The following AUTS2 variants were observed in gnomAD, a reference collection of about 807,000 sequenced individuals.
AUTS2 encodes the protein activator of transcription and developmental regulator AUTS2, also known as autism susceptibility gene 2 protein.
AUTS2 carries 17 observed loss-of-function variants against 112.4 expected under a neutral mutation model. That is an observed-to-expected ratio of 0.15 (90% confidence interval 0.10 to 0.23). The LOEUF (loss-of-function observed/expected upper bound fraction) is 0.23, where lower values mean the gene tolerates loss of function less well. AUTS2 is among the 10% of genes least tolerant of loss of function. The probability of loss-of-function intolerance (pLI) is 1.00; values close to 1 mark genes in which losing one functional copy is unlikely to be tolerated. For synonymous variants in AUTS2, 751 were observed against 702.7 expected, an observed-to-expected ratio of 1.07 and a Z score of -1.09; for missense variants, 1,510 against 1,701.6, an observed-to-expected ratio of 0.89 and a Z score of 1.98.
At chr7:69,971,433 A>C (rs1191343715) in intron 2 of AUTS2, among the ~76,000 whole-genome samples, 1 of 152,236 alleles carries the variant, frequency 6.6e-6, no homozygotes, top group Non-Finnish European at 1.5e-5. Context: ...CAGTTTTAAG[A>C]AATAAAATGT....
intron 4 of AUTS2, among the ~76,000 whole-genome samples, chr7:70,232,858 T>A (rs556429864): frequency 1.3e-5 from 2 of 152,326 alleles, no homozygotes; most frequent in Admixed American, 1.3e-4. Context: ...CAGGTAGCAG[T>A]TGATGCTCAA....
intron 5 of AUTS2, among the ~76,000 whole-genome samples, chr7:70,449,016 C>A (rs957820551): frequency 2.6e-5 from 4 of 152,118 alleles, no homozygotes; most frequent in African/African-American, 7.2e-5. Flanking sequence ...AATAGAGTTA[C>A]CTTTTAAAGA....
chr7:69,603,189 T>C (rs1476564355), intron 1 of AUTS2, among the ~76,000 whole-genome samples: 1 of 152,242 alleles, frequency 6.6e-6, no homozygotes, highest in South Asian at 2.1e-4. Flanking sequence ...AAATATTGGC[T>C]TGCACAGCTA....
chr7:70,709,527 A>G (rs977357144), intron 6 of AUTS2, among the ~76,000 whole-genome samples: 2 of 152,080 alleles, frequency 1.3e-5, no homozygotes, highest in Admixed American at 6.5e-5. Flanking sequence ...CCTGGCCAAC[A>G]TGGCGAAACC....
chr7:69,727,020 G>T (rs1786550045), intron 1 of AUTS2, among the ~76,000 whole-genome samples: 1 of 152,028 alleles, frequency 6.6e-6, no homozygotes, highest in African/African-American at 2.4e-5. Context: ...TAATTTTGAT[G>T]AAGTATAGTT....
At chr7:69,670,373 A>G (rs1343923865) in intron 1 of AUTS2, among the ~76,000 whole-genome samples, 3 of 152,090 alleles carry the variant, frequency 2.0e-5, no homozygotes, top group Non-Finnish European at 4.4e-5. Flanking sequence ...CAGAGGGGAA[A>G]AATTAAATTC....
At position 69,863,966 on chromosome 7, in the gene AUTS2, GTC is replaced by G. The variant is rs1562935601; in HGVS notation, c.310-35314_310-35313del. ...TCTCAGGCTTGCAATCTGCCTTCCT[GTC>G]TCTCTGACAGACCTGTGACTTGGGC... On this transcript the variant is annotated intron_variant, in intron 1 of 18. Transcript: ENST00000342771. 6.6e-5 allele frequency among the ~76,000 whole-genome samples: 10 copies of G among 152,186 alleles called. 1 individual carries two copies. In the South Asian group the frequency reaches 2.1e-3, roughly 32 times the overall value.
At position 70,374,775 on chromosome 7, in the gene AUTS2, A is replaced by G. The variant is rs78479260; in HGVS notation, c.661-60977A>G. On this transcript the variant is annotated intron_variant, in intron 4 of 18. Coordinates refer to ENST00000342771, the MANE Select transcript of AUTS2 (RefSeq NM_015570.4). ...AGTAACTAAGTCCTCATCTTCTTGCATCCCTTGAAGACACTGTTTTACCCT... is the reference window on the plus strand; with the variant it reads ...AGTAACTAAGTCCTCATCTTCTTGCGTCCCTTGAAGACACTGTTTTACCCT... 3.5e-3 allele frequency among the ~76,000 whole-genome samples: 540 copies of G among 152,328 alleles called. 3 individuals are homozygous for G. Among genetic ancestry groups the G allele is most frequent in the African/African-American group, 0.012 (492 of 41,576 alleles).
At chr7:69,845,377 T>G (rs539517583) in intron 1 of AUTS2, among the ~76,000 whole-genome samples, 2 of 152,152 alleles carry the variant, frequency 1.3e-5, no homozygotes, top group Non-Finnish European at 2.9e-5. Context: ...AGACCTTGAT[T>G]GGCGTAGATC....
chr7:70,424,659 T>A (rs974235612), intron 4 of AUTS2, among the ~76,000 whole-genome samples: 3 of 152,160 alleles, frequency 2.0e-5, no homozygotes, highest in African/African-American at 7.2e-5. Context: ...TGATCAGAGC[T>A]AACTGCAGCC....
At chr7:69,680,757 T>C (rs914630520) in intron 1 of AUTS2, among the ~76,000 whole-genome samples, 4 of 152,074 alleles carry the variant, frequency 2.6e-5, no homozygotes, top group African/African-American at 9.7e-5. Flanking sequence ...GCAGCATCCA[T>C]CCCCCAGGTT....
chr7:70,313,008 G>T (rs898915000), intron 4 of AUTS2, among the ~76,000 whole-genome samples: 1 of 152,160 alleles, frequency 6.6e-6, no homozygotes, highest in Non-Finnish European at 1.5e-5. Flanking sequence ...CGTCTAAACT[G>T]CTATCCTGTG....
At chr7:70,536,050 C>T (rs904552889) in intron 5 of AUTS2, among the ~76,000 whole-genome samples, 12 of 151,990 alleles carry the variant, frequency 7.9e-5, no homozygotes, top group Admixed American at 5.9e-4. Flanking sequence ...GTTAAGAGGC[C>T]GGCACGGTGG....
intron 4 of AUTS2, among the ~76,000 whole-genome samples, chr7:70,378,435 G>A (rs144585306): frequency 2.0e-5 from 3 of 152,280 alleles, no homozygotes; most frequent in African/African-American, 7.2e-5. Context: ...TAGCTATGAT[G>A]CACAAAAAGA....
chr7:70,697,408 TCTATATCA>T (rs1375926721), intron 5 of AUTS2, among the ~76,000 whole-genome samples: 3 of 152,220 alleles, frequency 2.0e-5, no homozygotes, highest in African/African-American at 7.2e-5. Context: ...ATTTTGTCTT[TCTATATCA>T]CTTGCATTGA....
intron 5 of AUTS2, among the ~76,000 whole-genome samples, chr7:70,677,338 C>T (rs916641119): frequency 2.6e-5 from 4 of 152,176 alleles, no homozygotes; most frequent in Non-Finnish European, 5.9e-5. Flanking sequence ...AATTTCTGAC[C>T]GTGGCTAGGC....
chr7:70,602,385 T>G (rs939572680), intron 5 of AUTS2, among the ~76,000 whole-genome samples: 2 of 152,172 alleles, frequency 1.3e-5, no homozygotes, highest in Admixed American at 6.5e-5. Context: ...CCTGACCCAG[T>G]GTTTTCATCG....
intron 5 of AUTS2, among the ~76,000 whole-genome samples, chr7:70,536,729 C>T (rs1226954925): frequency 1.3e-5 from 2 of 151,696 alleles, no homozygotes; most frequent in Non-Finnish European, 2.9e-5. Context: ...GGAGAAACTT[C>T]GTCTCTACTA....
chr7:70,622,708 A>G (rs1804744496), intron 5 of AUTS2, among the ~76,000 whole-genome samples: 1 of 152,222 alleles, frequency 6.6e-6, no homozygotes, highest in Non-Finnish European at 1.5e-5. Flanking sequence ...GCTAAACATT[A>G]TATGTAATGG....
Sources: gnomAD v4.1 joint callset for allele counts (sites outside exome capture counted in the v4.1 genomes callset) on GRCh38, gnomAD v4.1.1 for gene constraint, MANE v1.5 for transcripts, NCBI Gene and HGNC (gene_info 2026-07-23, HGNC 2026-07-21) for gene names.